The following PLOD2 variants were observed in gnomAD, a reference collection of about 807,000 sequenced individuals.
PLOD2 encodes procollagen-lysine,2-oxoglutarate 5-dioxygenase 2, also known as lysine hydroxylase 2.
In PLOD2, 65 loss-of-function variants were observed where a neutral mutation model predicts 101.0. The observed-to-expected ratio is 0.64, with a 90% CI of 0.53 to 0.79. The LOEUF is 0.79. PLOD2 is among the 30% of genes least tolerant of loss of function. The probability of loss-of-function intolerance (pLI) is 0.00; values close to 1 mark genes in which losing one functional copy is unlikely to be tolerated. For synonymous variants in PLOD2, 314 were observed against 302.9 expected (o/e 1.04, Z -0.38); for missense variants, 909 against 914.6 (o/e 0.99, Z 0.08).
intron 2 of PLOD2, among the ~76,000 whole-genome samples, chr3:146,122,558 C>T (rs950026933): frequency 5.3e-5 from 8 of 152,122 alleles, no homozygotes; most frequent in Admixed American, 6.6e-5. Context: ...GTAATTCAGT[C>T]GGTCTGAGGG....
rs182310379 is a variant in PLOD2 at position 146,088,494 on chromosome 3, C to A, written c.1005+92G>T. 59 of 911,848 alleles carry A rather than the reference C, an allele frequency of 6.5e-5. No homozygotes were observed. The Admixed American group carries it at 1.0e-3, about 16-fold the overall frequency. 56.5% of individuals were successfully genotyped at this position (911,848 alleles called of 1,614,324 possible). Reference sequence around the variant, plus strand: ...TCCAAAAATCCTCCACTGAACTTAACCCAATGAATTTTATTTGACATAAAT... The same window carrying A: ...TCCAAAAATCCTCCACTGAACTTAAACCAATGAATTTTATTTGACATAAAT... On this transcript the variant is annotated intron_variant, in intron 9 of 19. Coordinates refer to ENST00000282903, the MANE Select transcript of PLOD2 (RefSeq NM_182943.3).
intron 1 of PLOD2, among the ~76,000 whole-genome samples, chr3:146,148,518 G>A (rs376961080): frequency 1.3e-5 from 2 of 152,248 alleles, no homozygotes; most frequent in South Asian, 2.1e-4. Context: ...TAGTCTCCTT[G>A]TATAGTGAGC....
chr3:146,147,228 A>G (rs1330123557), intron 1 of PLOD2, among the ~76,000 whole-genome samples: 2 of 152,214 alleles, frequency 1.3e-5, no homozygotes, highest in East Asian at 1.9e-4. Context: ...TCACTAGAAT[A>G]TAAGACTTAA....
chr3:146,159,205 A>T (rs1194152747), intron 1 of PLOD2, among the ~76,000 whole-genome samples: 1 of 152,216 alleles, frequency 6.6e-6, no homozygotes, highest in Non-Finnish European at 1.5e-5. Flanking sequence ...CCAAGTGACC[A>T]GTCCTCAGAT....
At chr3:146,085,427 A>G in intron 10 of PLOD2, 154 bp from the exon 11 acceptor site, 1 of 604,064 alleles carries the variant, frequency 1.7e-6, no homozygotes. Flanking sequence ...CGATATATAT[A>G]TTGTCTTAAA....
At position 146,106,546 on chromosome 3, in the gene PLOD2, C is replaced by A; in HGVS notation, c.601G>T (p.Asp201Tyr). 6.6e-7 allele frequency: 1 copy of A among 1,503,890 alleles called. No homozygotes were observed. Among genetic ancestry groups the A allele is most frequent in the South Asian group, 1.1e-5 (1 of 88,730 alleles). The allele number at this position is 1,503,890 out of a possible 1,614,324, so 93.2% of individuals were successfully genotyped here. ...CTGTTACACACCCTTTTCAGTGGAT[C>A]AATGTAAACTTTAGTGTAAAAGAGC... ...DQLFYTKVYI[D>Y]PLKREAINIT... Residue 201 changes from aspartate to tyrosine, a missense_variant, in exon 5 of 20, where the codon GAT (aspartate) becomes TAT (tyrosine). Coordinates refer to ENST00000282903, the MANE Select transcript of PLOD2 (RefSeq NM_182943.3).
chr3:146,119,803 T>C (rs1163632206), intron 3 of PLOD2, among the ~76,000 whole-genome samples: 4 of 152,212 alleles, frequency 2.6e-5, no homozygotes, highest in Non-Finnish European at 4.4e-5. Context: ...TAGTATTCCA[T>C]GGTGTGTATG....
chr3:146,088,519 T>A (rs1012940835), intron 9 of PLOD2, 67 bp downstream of exon 9: 1 of 1,126,172 alleles, frequency 8.9e-7, no homozygotes, highest in Admixed American at 2.0e-5. Flanking sequence ...TTGACATAAA[T>A]AACAAATAGT....
chr3:146,145,562 A>G (rs1273444718), intron 1 of PLOD2, among the ~76,000 whole-genome samples: 2 of 152,208 alleles, frequency 1.3e-5, no homozygotes, highest in East Asian at 3.8e-4. Context: ...AACTATAGTT[A>G]CTGTTACGAG....
intron 1 of PLOD2, among the ~76,000 whole-genome samples, chr3:146,160,139 T>C (rs146517428): frequency 4.3e-4 from 66 of 152,320 alleles, no homozygotes; most frequent in Non-Finnish European, 8.7e-4. Context: ...TCCAAGGATT[T>C]TTCATGTGCC....
intron 8 of PLOD2, among the ~76,000 whole-genome samples, chr3:146,089,850 T>C (rs904276934): frequency 6.6e-6 from 1 of 151,538 alleles, no homozygotes; most frequent in Non-Finnish European, 1.5e-5. Flanking sequence ...AATGAGATGA[T>C]GCGTTTCATT....
At chr3:146,115,245 G>A (rs1014755199) in intron 3 of PLOD2, among the ~76,000 whole-genome samples, 23 of 152,062 alleles carry the variant, frequency 1.5e-4, no homozygotes, top group Admixed American at 1.1e-3. Flanking sequence ...AAATTGAGTC[G>A]ATCTACATGT....
chr3:146,081,955 T>C, intron 11 of PLOD2, 92 bp from the exon 12 acceptor site: 3 of 1,164,884 alleles, frequency 2.6e-6, no homozygotes, highest in Non-Finnish European at 3.7e-6. Context: ...GGGCTTAGTA[T>C]GACATATAAC....
Position 146,077,864 on chromosome 3 carries a change from T to G in PLOD2, c.1561A>C (p.Lys521Gln). The G allele has an allele frequency of 6.4e-7, 1 of 1,569,600 alleles. No homozygotes were observed. The highest frequency in any genetic ancestry group is 8.8e-7 in the Non-Finnish European group (1 of 1,142,284). The change falls in exon 14 of 20, where the codon AAG becomes CAG. Residue 521 changes from lysine to glutamine, a missense_variant and splice_region_variant. Lys to Gln is a moderately conservative substitution (Grantham distance 53). Transcript: ENST00000282903. Reference sequence around the variant, plus strand: ...AATAAAATAAGTAAAAATAACACCTTTGGGGGGCTGAGCATTTGGAATGTT... The same window carrying G: ...AATAAAATAAGTAAAAATAACACCTGTGGGGGGCTGAGCATTTGGAATGTT... ...PETFQMLSPP[K>Q]GVFMYISNRH...
At chr3:146,084,154 T>C (rs1936676214) in intron 11 of PLOD2, among the ~76,000 whole-genome samples, 1 of 152,142 alleles carries the variant, frequency 6.6e-6, no homozygotes, top group African/African-American at 2.4e-5. Context: ...CACTATTTCA[T>C]ATCTCTAGGG....
intron 15 of PLOD2, among the ~76,000 whole-genome samples, chr3:146,074,228 A>C (rs1426866996): frequency 6.6e-6 from 1 of 151,566 alleles, no homozygotes; most frequent in Non-Finnish European, 1.5e-5. Flanking sequence ...ACATGGAGTA[A>C]TATAAATATC....
At chr3:146,118,948 T>C (rs77378235) in intron 3 of PLOD2, among the ~76,000 whole-genome samples, 1 of 152,168 alleles carries the variant, frequency 6.6e-6, no homozygotes, top group African/African-American at 2.4e-5. Flanking sequence ...TGCCATGTTG[T>C]CTCATTAGTG....
At chr3:146,075,540 T>TG (rs1311837084) in intron 15 of PLOD2, among the ~76,000 whole-genome samples, 1 of 150,802 alleles carries the variant, frequency 6.6e-6, no homozygotes, top group Non-Finnish European at 1.5e-5. Flanking sequence ...AGGAAATTGT[T>TG]TCTTCAAGTT....
intron 1 of PLOD2, among the ~76,000 whole-genome samples, chr3:146,132,404 T>C (rs1671503536): frequency 6.6e-6 from 1 of 152,062 alleles, no homozygotes; most frequent in African/African-American, 2.4e-5. Flanking sequence ...TCTAGAACCA[T>C]AAGGTCCAAT....
Sources: allele counts gnomAD v4.1 joint callset (sites outside exome capture counted in the v4.1 genomes callset), GRCh38; gene constraint gnomAD v4.1.1; transcripts MANE v1.5; gene names NCBI Gene and HGNC (gene_info 2026-07-23, HGNC 2026-07-21).